Variants in XRCC4 observed in about 807,000 individuals in gnomAD.
XRCC4 encodes DNA repair protein XRCC4.
Under a neutral mutation model 39.1 loss-of-function variants are expected in XRCC4, and 28 were observed. The ratio of observed to expected loss-of-function variants is 0.72; its 90% confidence interval spans 0.53 to 0.98. The LOEUF is 0.98. Among genes scored for constraint, XRCC4 ranks in the 50% least tolerant of loss-of-function variants. XRCC4 has a pLI of 0.00. For synonymous variants in XRCC4, 123 were observed against 126.4 expected, an observed-to-expected ratio of 0.97 and a Z score of 0.18; for missense variants, 350 against 376.4, an observed-to-expected ratio of 0.93 and a Z score of 0.58.
intron 7 of XRCC4, among the ~76,000 whole-genome samples, chr5:83,284,961 T>A (rs1388724151): frequency 2.0e-5 from 3 of 152,142 alleles, no homozygotes; most frequent in African/African-American, 7.2e-5. Flanking sequence ...ACATACACCC[T>A]GGGAAAGACA....
At chr5:83,080,056 A>G (rs1219111227) in intron 1 of XRCC4, among the ~76,000 whole-genome samples, 1 of 152,180 alleles carries the variant, frequency 6.6e-6, no homozygotes, top group Non-Finnish European at 1.5e-5. Flanking sequence ...AGTGTTGGCT[A>G]TTACTGTGCA....
At chr5:83,207,777 G>A (rs2112742545) in intron 6 of XRCC4, among the ~76,000 whole-genome samples, 1 of 152,112 alleles carries the variant, frequency 6.6e-6, no homozygotes, top group African/African-American at 2.4e-5. Context: ...AGATAATTCT[G>A]TTGAACACAG....
At chr5:83,183,444 G>C (rs906609062) in intron 3 of XRCC4, among the ~76,000 whole-genome samples, 1 of 148,268 alleles carries the variant, frequency 6.7e-6, no homozygotes, top group African/African-American at 2.5e-5. Context: ...GTGTGTGTGT[G>C]TGTGTGTGTG....
chr5:83,087,747 T>A (rs1315286229), intron 1 of XRCC4, among the ~76,000 whole-genome samples: 1 of 152,128 alleles, frequency 6.6e-6, no homozygotes, highest in African/African-American at 2.4e-5. Flanking sequence ...CACAAAAAAA[T>A]TAATACAATC....
Position 83,178,496 on chromosome 5 carries a change from T to C in XRCC4, c.316-17274T>C, listed in dbSNP as rs1580334422. ...GGAGACTGATCAAATGCGATAGATA[T>C]AGGATGAAAACCAGGCAAGTATGGT... On this transcript the variant is annotated intron_variant, in intron 3 of 7. Transcript: ENST00000396027. 4.6e-5 allele frequency among the ~76,000 whole-genome samples: 7 copies of C among 152,148 alleles called. 1 individual carries two copies. Among genetic ancestry groups the C allele is most frequent in the Admixed American group, 2.6e-4 (4 of 15,292 alleles).
chr5:83,193,203 TG>T (rs1316158814), intron 3 of XRCC4, among the ~76,000 whole-genome samples: 2 of 152,138 alleles, frequency 1.3e-5, no homozygotes, highest in East Asian at 3.9e-4. Flanking sequence ...ACAGCAGCAG[TG>T]AAGGTGAAAG....
At chr5:83,215,791 G>A (rs1412297124) in intron 6 of XRCC4, among the ~76,000 whole-genome samples, 2 of 152,106 alleles carry the variant, frequency 1.3e-5, no homozygotes, top group Admixed American at 6.6e-5. Context: ...AGTTACACAG[G>A]TGTTTACCTC....
chr5:83,305,744 C>T (rs1237193495), intron 7 of XRCC4, among the ~76,000 whole-genome samples: 1 of 152,132 alleles, frequency 6.6e-6, no homozygotes, highest in Non-Finnish European at 1.5e-5. Flanking sequence ...GACCCAGCTC[C>T]ATGGTAACTA....
At chr5:83,201,527 G>A (rs866773708) in intron 4 of XRCC4, 4 of 152,170 alleles carry the variant, frequency 2.6e-5, no homozygotes, top group South Asian at 2.1e-4. Context: ...CCAAGGAGGT[G>A]AGACAAGTCT....
At chr5:83,264,091 T>C (rs1192762136) in intron 7 of XRCC4, among the ~76,000 whole-genome samples, 1 of 152,204 alleles carries the variant, frequency 6.6e-6, no homozygotes, top group East Asian at 1.9e-4. Flanking sequence ...ATAGAGTTTG[T>C]ATAAGGTATT....
intron 7 of XRCC4, among the ~76,000 whole-genome samples, chr5:83,344,151 C>T (rs1756847851): frequency 6.6e-6 from 1 of 151,812 alleles, no homozygotes; most frequent in Non-Finnish European, 1.5e-5. Context: ...CACACACACA[C>T]ACACACACAC....
At chr5:83,320,840 C>G (rs556908487) in intron 7 of XRCC4, among the ~76,000 whole-genome samples, 14 of 123,590 alleles carry the variant, frequency 1.1e-4, no homozygotes, top group African/African-American at 4.1e-4. Context: ...GAGACAGAGT[C>G]TCGCTCTGTC....
downstream of XRCC4, among the ~76,000 whole-genome samples, chr5:83,354,205 T>G (rs1757163268): frequency 2.6e-5 from 4 of 152,244 alleles, no homozygotes; most frequent in Admixed American, 2.6e-4. Flanking sequence ...TCAGTAAACA[T>G]TTTCACTTGA....
chr5:83,126,908 C>T (rs1747295049), intron 3 of XRCC4, among the ~76,000 whole-genome samples: 1 of 152,144 alleles, frequency 6.6e-6, no homozygotes, highest in Non-Finnish European at 1.5e-5. Flanking sequence ...GGGCTTTAGA[C>T]ATTTCTGGGA....
chr5:83,263,156 C>T (rs1753823480), intron 7 of XRCC4, among the ~76,000 whole-genome samples: 1 of 149,740 alleles, frequency 6.7e-6, no homozygotes, highest in African/African-American at 2.5e-5. Flanking sequence ...CATCCATGTC[C>T]CTACAAAGGA....
chr5:83,287,381 T>C (rs1397215238), intron 7 of XRCC4, among the ~76,000 whole-genome samples: 5 of 152,070 alleles, frequency 3.3e-5, no homozygotes, highest in African/African-American at 1.2e-4. Flanking sequence ...TAGCACAGCT[T>C]TCTATGCCTT....
chr5:83,282,616 G>A (rs1754585035), intron 7 of XRCC4, among the ~76,000 whole-genome samples: 1 of 152,088 alleles, frequency 6.6e-6, no homozygotes, highest in African/African-American at 2.4e-5. Context: ...GGCCAAGGCA[G>A]GTGGATCACG....
In XRCC4 at chr5:83,247,083, G is replaced by T. The variant is rs111632889; in HGVS notation, c.746-11447G>T. On this transcript the variant is annotated intron_variant, in intron 6 of 7. Transcript: ENST00000396027. ...ATATTTTAAAATAGTTCTGCTGATT[G>T]CCTGCAATTCTGCTTAACCAATTTA... 5.9e-3 allele frequency among the ~76,000 whole-genome samples: 903 copies of T among 152,286 alleles called. 12 individuals are homozygous for T. The highest frequency in any genetic ancestry group is 0.021 in the African/African-American group (867 of 41,540).
chr5:83,262,043 T>C lies in XRCC4; in HGVS notation c.893+3366T>C, dbSNP rs1207724550. On this transcript the variant is annotated intron_variant, in intron 7 of 7. Transcript: ENST00000396027. The stretch of plus-strand genomic sequence containing the variant: ...GAACATTTATTGCAACCCTAAGTCA[T>C]TGTTATAGTGACAAGGTATAGAAGG... 3.3e-5 allele frequency among the ~76,000 whole-genome samples: 5 copies of C among 152,262 alleles called. No homozygotes were observed. In the South Asian group the frequency reaches 8.3e-4, roughly 25 times the overall value.
Sources: allele counts gnomAD v4.1 joint callset (sites outside exome capture counted in the v4.1 genomes callset), GRCh38; gene constraint gnomAD v4.1.1; transcripts MANE v1.5; gene names NCBI Gene and HGNC (gene_info 2026-07-23, HGNC 2026-07-21).